IL1RAPL1: variants seen among roughly 807,000 people sequenced by gnomAD.
IL1RAPL1 encodes the protein interleukin 1 receptor accessory protein like 1, also known as interleukin-1 receptor accessory protein-like 1.
Under a neutral mutation model 48.4 loss-of-function variants are expected in IL1RAPL1, and 3 were observed. The ratio of observed to expected loss-of-function variants is 0.06; its 90% CI spans 0.03 to 0.16. The LOEUF is 0.16. Among genes scored for constraint, IL1RAPL1 ranks in the 10% least tolerant of loss-of-function variants. IL1RAPL1 has a pLI of 1.00. For synonymous variants in IL1RAPL1, 185 were observed against 187.7 expected, an observed-to-expected ratio of 0.99 and a Z score of 0.12; for missense variants, 349 against 530.6, an observed-to-expected ratio of 0.66 and a Z score of 3.36.
rs970249172 is a variant in IL1RAPL1, at chrX:29,506,492, G to A, written c.703+107184G>A. ...TTCTCATTCTTCTTCTTCTTTGTGC[G>A]TGCGTGCATGTATGCTACTTCCTTT... On this transcript the variant is annotated intron_variant, in intron 5 of 10. Transcript: ENST00000378993. 7.4e-5 allele frequency among the ~76,000 whole-genome samples: 7 copies of A among 94,136 alleles called. No homozygotes were observed. The East Asian group carries it at 2.4e-3, about 32-fold the overall frequency. 81.7% of individuals were successfully genotyped at this position (94,136 alleles called of 115,157 possible).
chrX:29,347,797 AC>A (rs904332597), intron 3 of IL1RAPL1, among the ~76,000 whole-genome samples: 1 of 111,246 alleles, frequency 9.0e-6, no homozygotes, highest in Non-Finnish European at 1.9e-5. Context: ...GCATTTTGGG[AC>A]CCTGATTAAG....
intron 2 of IL1RAPL1, among the ~76,000 whole-genome samples, chrX:28,921,742 T>C (rs1264425238): frequency 1.8e-5 from 2 of 112,401 alleles, no homozygotes; most frequent in African/African-American, 6.5e-5. Context: ...TTTAATTCTT[T>C]CCGTTTAATA....
chrX:29,726,682 C>T (rs1367007721), intron 6 of IL1RAPL1, among the ~76,000 whole-genome samples: 1 of 111,635 alleles, frequency 9.0e-6, no homozygotes, highest in Non-Finnish European at 1.9e-5. Flanking sequence ...AAAGAAAAAT[C>T]CCCATTGAGA....
At chrX:29,052,701 T>C (rs1271749896) in intron 2 of IL1RAPL1, among the ~76,000 whole-genome samples, 1 of 110,607 alleles carries the variant, frequency 9.0e-6, no homozygotes, top group Admixed American at 9.7e-5. Context: ...AGATGGAGTC[T>C]TGCTCTGTTG....
chrX:29,434,736 A>G (rs1416525918), intron 5 of IL1RAPL1, among the ~76,000 whole-genome samples: 1 of 111,312 alleles, frequency 9.0e-6, no homozygotes, highest in African/African-American at 3.2e-5. Context: ...TATACCTTAC[A>G]GAGTATACTT....
chrX:29,409,984 G>A (rs959840526), intron 5 of IL1RAPL1, among the ~76,000 whole-genome samples: 4 of 109,699 alleles, frequency 3.6e-5, no homozygotes, highest in Non-Finnish European at 7.6e-5. Context: ...CACCACGCCC[G>A]GCTAATTTTT....
chrX:29,528,877 T>C (rs947669282), intron 5 of IL1RAPL1, among the ~76,000 whole-genome samples: 1 of 111,519 alleles, frequency 9.0e-6, no homozygotes, highest in Non-Finnish European at 1.9e-5. Flanking sequence ...CATGGGGATC[T>C]TGGAGCCCCT....
At chrX:29,079,957 C>T (rs1014435008) in intron 2 of IL1RAPL1, among the ~76,000 whole-genome samples, 4 of 111,570 alleles carry the variant, frequency 3.6e-5, no homozygotes, top group African/African-American at 9.8e-5. Flanking sequence ...TTGAATAATT[C>T]CTCCAAGAAC....
chrX:29,931,201 G>A (rs1007191940), intron 8 of IL1RAPL1, among the ~76,000 whole-genome samples: 1 of 110,692 alleles, frequency 9.0e-6, no homozygotes, highest in African/African-American at 3.3e-5. Context: ...ACAGAGTCTT[G>A]AAAGCATCTC....
chrX:28,948,466 T>G (rs1347454327), intron 2 of IL1RAPL1, among the ~76,000 whole-genome samples: 1 of 110,517 alleles, frequency 9.0e-6, no homozygotes, highest in Non-Finnish European at 1.9e-5. Flanking sequence ...TTGAACCCCA[T>G]GCAGAGAGAA....
chrX:29,692,460 CT>C (rs1363398208), intron 6 of IL1RAPL1, among the ~76,000 whole-genome samples: 1 of 111,751 alleles, frequency 8.9e-6, no homozygotes, highest in African/African-American at 3.3e-5. Flanking sequence ...CTCTTTCTCT[CT>C]TTGATTTGCT....
intron 2 of IL1RAPL1, among the ~76,000 whole-genome samples, chrX:28,883,486 A>C (rs2147315145): frequency 8.9e-6 from 1 of 112,121 alleles, no homozygotes; most frequent in Non-Finnish European, 1.9e-5. Context: ...CTTAAATTTA[A>C]ATAGTCACTT....
At chrX:29,072,048 T>C (rs1927575949) in intron 2 of IL1RAPL1, among the ~76,000 whole-genome samples, 1 of 111,261 alleles carries the variant, frequency 9.0e-6, no homozygotes. Context: ...GAGAGTCTGT[T>C]CATTATTAGT....
rs770820334 is a variant in IL1RAPL1, at chrX:28,824,750, C to G, written c.82+35325C>G. On this transcript the variant is annotated intron_variant, in intron 2 of 10. Coordinates refer to ENST00000378993, the MANE Select transcript of IL1RAPL1 (RefSeq NM_014271.4). ...AGATATGTGTTGAAGAATTCACCTG[C>G]CAGCCAACTATACCTAAATGACTGT... is the stretch of plus-strand genomic sequence containing the variant. 3.6e-5 allele frequency among the ~76,000 whole-genome samples: 4 copies of G among 111,668 alleles called. No individual in the cohort carries two copies. In the South Asian group the frequency reaches 1.5e-3, roughly 41 times the overall value.
At chrX:29,280,597 A>C (rs920484057) in intron 2 of IL1RAPL1, among the ~76,000 whole-genome samples, 1 of 112,233 alleles carries the variant, frequency 8.9e-6, no homozygotes, top group Non-Finnish European at 1.9e-5. Flanking sequence ...TTATTCATGC[A>C]TTCATTCATT....
At chrX:29,813,774 G>A (rs1282897912) in intron 6 of IL1RAPL1, among the ~76,000 whole-genome samples, 1 of 110,506 alleles carries the variant, frequency 9.0e-6, no homozygotes, top group African/African-American at 3.3e-5. Context: ...TGCAGTGTCT[G>A]TTGCTCTCAT....
intron 2 of IL1RAPL1, among the ~76,000 whole-genome samples, chrX:29,169,385 CAA>C (rs1346479340): frequency 9.1e-6 from 1 of 110,156 alleles, no homozygotes; most frequent in Non-Finnish European, 1.9e-5. Flanking sequence ...GTGTTTTAAA[CAA>C]AAAGTGTCAT....
chrX:28,766,873 CT>C (rs568562227), intron 1 of IL1RAPL1, among the ~76,000 whole-genome samples: 157 of 110,012 alleles, frequency 1.4e-3, no homozygotes, highest in Non-Finnish European at 2.3e-3. Context: ...GACAAGATCT[CT>C]TTTTTTTTAT....
At chrX:29,182,707 G>T (rs2147521669) in intron 2 of IL1RAPL1, among the ~76,000 whole-genome samples, 1 of 111,105 alleles carries the variant, frequency 9.0e-6, no homozygotes, top group Non-Finnish European at 1.9e-5. Flanking sequence ...CCTGTGGTAG[G>T]CACAATAATG....
Sources: allele counts gnomAD v4.1 joint callset (sites outside exome capture counted in the v4.1 genomes callset), GRCh38; gene constraint gnomAD v4.1.1; transcripts MANE v1.5; gene names NCBI Gene and HGNC (gene_info 2026-07-23, HGNC 2026-07-21).